Variants in SLC16A10 observed in about 807,000 individuals in gnomAD.
SLC16A10 encodes the protein monocarboxylate transporter 10.
Under a neutral mutation model 40.0 loss-of-function variants are expected in SLC16A10, and 27 were observed. The observed-to-expected ratio is 0.67, with a 90% CI of 0.50 to 0.93. The LOEUF (loss-of-function observed/expected upper bound fraction) is 0.93. SLC16A10 is among the 40% of genes least tolerant of loss of function. SLC16A10 has a pLI of 0.00. For missense variants in SLC16A10, 529 were observed against 658.2 expected, an observed-to-expected ratio of 0.80 and a Z score of 2.15; for synonymous variants, 213 against 249.8, an observed-to-expected ratio of 0.85 and a Z score of 1.39.
chr6:111,139,042 C>T (rs915130326), intron 1 of SLC16A10, among the ~76,000 whole-genome samples: 10 of 150,968 alleles, frequency 6.6e-5, no homozygotes, highest in Non-Finnish European at 1.5e-4. Context: ...ATACTTTTCC[C>T]TCTCCATTCC....
chr6:111,104,515 A>G (rs1771246823), intron 1 of SLC16A10, among the ~76,000 whole-genome samples: 1 of 152,216 alleles, frequency 6.6e-6, no homozygotes, highest in Admixed American at 6.5e-5. Flanking sequence ...ATTGTGCCCC[A>G]CAAAATCATG....
rs562762451 is a variant in SLC16A10, at chr6:111,204,517, T to C, written c.943-2075T>C. ...TACCTCAGGTGCCAAATGAAAACTT[T>C]TGGCAATAACAAGAAGTTAGGAAGT... On this transcript the variant is annotated intron_variant, in intron 3 of 5. Coordinates refer to ENST00000368851, the MANE Select transcript of SLC16A10 (RefSeq NM_018593.5). 2.6e-5 allele frequency among the ~76,000 whole-genome samples: 4 copies of C among 152,276 alleles called. No homozygotes were observed. In the East Asian group the frequency reaches 5.8e-4, roughly 22 times the overall value.
intron 4 of SLC16A10, among the ~76,000 whole-genome samples, chr6:111,217,072 C>G (rs1034650322): frequency 6.6e-6 from 1 of 152,220 alleles, no homozygotes; most frequent in African/African-American, 2.4e-5. Flanking sequence ...CATACAGCTG[C>G]TTTATCTGGT....
chr6:111,147,076 G>T (rs745821903), intron 1 of SLC16A10, among the ~76,000 whole-genome samples: 1 of 152,154 alleles, frequency 6.6e-6, no homozygotes, highest in Non-Finnish European at 1.5e-5. Context: ...ACTGCTAATG[G>T]GTACAGGGTT....
chr6:111,182,341 A>C (rs1451897722), intron 3 of SLC16A10, among the ~76,000 whole-genome samples: 1 of 85,920 alleles, frequency 1.2e-5, no homozygotes, highest in Non-Finnish European at 2.6e-5. Context: ...TTCCTTTTTA[A>C]CGGCTCCTCT....
chr6:111,158,654 C>T (rs970972395), intron 1 of SLC16A10, among the ~76,000 whole-genome samples: 7 of 152,088 alleles, frequency 4.6e-5, no homozygotes, highest in South Asian at 2.1e-4. Context: ...AATAACCTTT[C>T]GAAGATCTGA....
chr6:111,169,521 A>G (rs1262323195), intron 1 of SLC16A10, among the ~76,000 whole-genome samples: 2 of 152,232 alleles, frequency 1.3e-5, no homozygotes, highest in Non-Finnish European at 2.9e-5. Context: ...CTACCTTGGA[A>G]AGATCCGACA....
At chr6:111,134,953 C>G (rs577930487) in intron 1 of SLC16A10, among the ~76,000 whole-genome samples, 1 of 152,314 alleles carries the variant, frequency 6.6e-6, no homozygotes, top group African/African-American at 2.4e-5. Flanking sequence ...CTCAGTCTTA[C>G]TCTCCTGTCC....
At chr6:111,181,853 T>C (rs547737579) in intron 3 of SLC16A10, among the ~76,000 whole-genome samples, 1 of 152,224 alleles carries the variant, frequency 6.6e-6, no homozygotes, top group South Asian at 2.1e-4. Flanking sequence ...ACAAATCTTA[T>C]AGATCAATTT....
intron 1 of SLC16A10, among the ~76,000 whole-genome samples, chr6:111,135,917 G>A (rs1380490273): frequency 6.6e-6 from 1 of 152,146 alleles, no homozygotes; most frequent in Non-Finnish European, 1.5e-5. Context: ...TAAATACTTA[G>A]GGCTAAAATT....
At chr6:111,174,264 G>A (rs1440683743) in intron 2 of SLC16A10, among the ~76,000 whole-genome samples, 6 of 152,040 alleles carry the variant, frequency 3.9e-5, no homozygotes, top group African/African-American at 1.4e-4. Context: ...TAGTTGAAAA[G>A]CGTTAATGTG....
At chr6:111,093,136 G>T (rs1248929734) in intron 1 of SLC16A10, among the ~76,000 whole-genome samples, 1 of 152,068 alleles carries the variant, frequency 6.6e-6, no homozygotes, top group East Asian at 1.9e-4. Context: ...CTAATGAAGA[G>T]CCTAGGGCTT....
intron 1 of SLC16A10, among the ~76,000 whole-genome samples, chr6:111,126,615 TATA>T (rs1338256153): frequency 6.6e-6 from 1 of 152,212 alleles, no homozygotes; most frequent in African/African-American, 2.4e-5. Flanking sequence ...GATGTTATAA[TATA>T]ATCCACATAG....
chr6:111,220,041 A>G (rs566954825), intron 5 of SLC16A10, among the ~76,000 whole-genome samples: 1 of 152,334 alleles, frequency 6.6e-6, no homozygotes, highest in South Asian at 2.1e-4. Context: ...GAGCCGTGAT[A>G]GCACCACTGC....
chr6:111,208,593 A>G (rs954243940), intron 4 of SLC16A10, among the ~76,000 whole-genome samples: 3 of 152,014 alleles, frequency 2.0e-5, no homozygotes, highest in African/African-American at 4.8e-5. Context: ...AAAAAAAAAA[A>G]TCAATCTGGT....
chr6:111,159,115 C>T (rs542996942), intron 1 of SLC16A10, among the ~76,000 whole-genome samples: 2 of 149,610 alleles, frequency 1.3e-5, no homozygotes, highest in East Asian at 3.9e-4. Flanking sequence ...CATTACAGGC[C>T]CAGCTGTGGT....
At chr6:111,208,595 C>T (rs1405523907) in intron 4 of SLC16A10, among the ~76,000 whole-genome samples, 4 of 151,426 alleles carry the variant, frequency 2.6e-5, no homozygotes, top group Admixed American at 6.6e-5. Flanking sequence ...AAAAAAAAAT[C>T]AATCTGGTAA....
At chr6:111,124,229 A>T (rs577331523) in intron 1 of SLC16A10, among the ~76,000 whole-genome samples, 38 of 152,164 alleles carry the variant, frequency 2.5e-4, no homozygotes, top group African/African-American at 9.2e-4. Context: ...TATGCTTTCA[A>T]CTCTTGTGAA....
chr6:111,138,195 T>C (rs772342531), intron 1 of SLC16A10, among the ~76,000 whole-genome samples: 28 of 152,174 alleles, frequency 1.8e-4, no homozygotes, highest in Non-Finnish European at 3.8e-4. Flanking sequence ...TACACTAACA[T>C]TGCAGAAAAC....
Sources: gnomAD v4.1 joint callset for allele counts (sites outside exome capture counted in the v4.1 genomes callset) on GRCh38, gnomAD v4.1.1 for gene constraint, MANE v1.5 for transcripts, NCBI Gene and HGNC (gene_info 2026-07-23, HGNC 2026-07-21) for gene names.